PAH: variants seen among roughly 807,000 people sequenced by gnomAD.
PAH encodes the protein phenylalanine hydroxylase.
PAH carries 64 observed loss-of-function variants against 62.0 expected under a neutral mutation model. The ratio of observed to expected loss-of-function variants is 1.03; its 90% confidence interval spans 0.84 to 1.27. PAH has a LOEUF of 1.27. Among genes scored for constraint, PAH ranks in the 50% most tolerant of loss-of-function variants. PAH has a pLI of 0.00. For missense variants in PAH, 579 were observed against 542.8 expected (o/e 1.07, Z -0.66); for synonymous variants, 195 against 196.2 (o/e 0.99, Z 0.05).
At chr12:102,897,492 T>TATATATATATATACATATATAA (rs1379613102) in intron 2 of PAH, among the ~76,000 whole-genome samples, 38 of 137,426 alleles carry the variant, frequency 2.8e-4, no homozygotes, top group African/African-American at 1.2e-3. Flanking sequence ...TATATATATA[T>TATATATATATATACATATATAA]AATTCAAACT....
At chr12:102,849,239 GTT>G (rs888826646) in intron 8 of PAH, among the ~76,000 whole-genome samples, 6 of 152,216 alleles carry the variant, frequency 3.9e-5, no homozygotes, top group Non-Finnish European at 8.8e-5. Context: ...AGTGCTTATG[GTT>G]TGATCAGCTG....
chr12:102,876,052 CT>C, intron 4 of PAH, among the ~76,000 whole-genome samples: 1 of 144,788 alleles, frequency 6.9e-6, no homozygotes, highest in South Asian at 2.2e-4. Context: ...TTTTTTTTTT[CT>C]GTTTGGAAGT....
At chr12:102,931,635 C>T (rs1224027370) in intron 1 of PAH, among the ~76,000 whole-genome samples, 1 of 152,174 alleles carries the variant, frequency 6.6e-6, no homozygotes, top group Non-Finnish European at 1.5e-5. Context: ...TTGCTACTTC[C>T]CTCAATCTCC....
At chr12:102,909,916 A>G (rs2136723954) in intron 2 of PAH, among the ~76,000 whole-genome samples, 1 of 152,286 alleles carries the variant, frequency 6.6e-6, no homozygotes, top group African/African-American at 2.4e-5. Flanking sequence ...CTGAGATCGC[A>G]CCACTACACT....
intron 1 of PAH, among the ~76,000 whole-genome samples, chr12:102,938,407 C>A (rs908142508): frequency 3.3e-5 from 5 of 152,180 alleles, no homozygotes; most frequent in Admixed American, 3.3e-4. Flanking sequence ...GGTCTTGGAT[C>A]CCTGAGCACC....
intron 1 of PAH, 43 bp downstream of exon 1, chr12:102,917,028 C>T (rs2136733914): frequency 1.9e-6 from 3 of 1,582,498 alleles, no homozygotes; most frequent in Non-Finnish European, 1.7e-6. Context: ...TCTCTGGAGG[C>T]CCAAATTCCC....
intron 3 of PAH, among the ~76,000 whole-genome samples, chr12:102,892,984 TA>T (rs946371719): frequency 5.9e-5 from 9 of 151,502 alleles, no homozygotes; most frequent in Admixed American, 2.6e-4. Flanking sequence ...TCATCAGTTC[TA>T]AAAAAAAATA....
At chr12:102,894,514 C>G (rs1159011016) in intron 3 of PAH, among the ~76,000 whole-genome samples, 5 of 151,640 alleles carry the variant, frequency 3.3e-5, no homozygotes, top group African/African-American at 1.2e-4. Flanking sequence ...ATATACCAGG[C>G]ACTTGCCTAG....
At chr12:102,889,124 C>T (rs1877161676) in intron 3 of PAH, among the ~76,000 whole-genome samples, 1 of 152,120 alleles carries the variant, frequency 6.6e-6, no homozygotes, top group Non-Finnish European at 1.5e-5. Context: ...GGAACCATAG[C>T]CCCTTTGAAA....
chr12:102,926,163 A>T (rs1878676774), intron 1 of PAH, among the ~76,000 whole-genome samples: 4 of 152,158 alleles, frequency 2.6e-5, no homozygotes, highest in African/African-American at 9.7e-5. Context: ...TAAACTCAGT[A>T]CTTACAGTGA....
chr12:102,897,451 ATGTG>A (rs34824304), intron 2 of PAH, among the ~76,000 whole-genome samples: 39 of 130,260 alleles, frequency 3.0e-4, no homozygotes, highest in African/African-American at 1.0e-3. Context: ...TCTCATATAT[ATGTG>A]TGTGTGTGTG....
intron 3 of PAH, among the ~76,000 whole-genome samples, chr12:102,883,441 C>G (rs1876904920): frequency 6.6e-6 from 1 of 152,242 alleles, no homozygotes; most frequent in Non-Finnish European, 1.5e-5. Flanking sequence ...TGACTTTTTC[C>G]TTCTCCAGAG....
chr12:102,863,050 C>A (rs1329985020), intron 5 of PAH, among the ~76,000 whole-genome samples: 3 of 152,060 alleles, frequency 2.0e-5, no homozygotes, highest in Non-Finnish European at 2.9e-5. Context: ...AGAGACTGTT[C>A]AATCCTTGGC....
At chr12:102,864,352 C>T (rs560142016) in intron 5 of PAH, among the ~76,000 whole-genome samples, 8 of 152,192 alleles carry the variant, frequency 5.3e-5, no homozygotes, top group East Asian at 1.9e-4. Flanking sequence ...TAATCTGATT[C>T]GCACCAGCCC....
chr12:102,892,080 G>T (rs1877301926), intron 3 of PAH, among the ~76,000 whole-genome samples: 2 of 152,202 alleles, frequency 1.3e-5, no homozygotes, highest in South Asian at 4.1e-4. Flanking sequence ...AATTCCAAGT[G>T]CCTGCCCTCC....
intron 1 of PAH, among the ~76,000 whole-genome samples, chr12:102,949,811 A>C (rs927629879): frequency 3.9e-5 from 6 of 152,114 alleles, no homozygotes; most frequent in Non-Finnish European, 7.4e-5. Flanking sequence ...AGAAGGGACC[A>C]TGGGGAAGAA....
At chr12:102,909,884 G>C (rs1386046421) in intron 2 of PAH, among the ~76,000 whole-genome samples, 4 of 152,264 alleles carry the variant, frequency 2.6e-5, no homozygotes, top group South Asian at 4.1e-4. Flanking sequence ...GCCTGAACCT[G>C]GGAGGCGGAG....
chr12:102,933,209 A>G (rs920636249), intron 1 of PAH, among the ~76,000 whole-genome samples: 1 of 152,146 alleles, frequency 6.6e-6, no homozygotes, highest in Admixed American at 6.5e-5. Context: ...GCCTCCATAA[A>G]TAAGTGAGAA....
In PAH at chr12:102,839,152, C is replaced by T; in HGVS notation, c.*23G>A. 2 of 1,610,008 alleles carry T rather than the reference C, an allele frequency of 1.2e-6. No homozygotes were observed. Among genetic ancestry groups the T allele is most frequent in the Non-Finnish European group, 1.7e-6 (2 of 1,176,344 alleles). ...TCTCCATCAACAGATTCACAGCTGACAGACCACATTCTGTCCATGGCTTTA... is the reference window on the plus strand; with the variant it reads ...TCTCCATCAACAGATTCACAGCTGATAGACCACATTCTGTCCATGGCTTTA... On this transcript the variant is annotated 3_prime_UTR_variant, in exon 13 of 13. Coordinates refer to ENST00000553106, the MANE Select transcript of PAH (RefSeq NM_000277.3).
Sources: gnomAD v4.1 joint callset for allele counts (sites outside exome capture counted in the v4.1 genomes callset) on GRCh38, gnomAD v4.1.1 for gene constraint, MANE v1.5 for transcripts, NCBI Gene and HGNC (gene_info 2026-07-23, HGNC 2026-07-21) for gene names.